Variants in ANKRD36 observed in about 807,000 individuals in gnomAD.
ANKRD36 encodes the protein ankyrin repeat domain 36.
ANKRD36 carries 179 observed loss-of-function variants against 278.1 expected under a neutral mutation model. That is an observed-to-expected ratio of 0.64 (90% CI 0.57 to 0.73). The LOEUF is 0.73. Ranked by LOEUF, ANKRD36 falls within the 30% of genes least tolerant of loss-of-function variation. The pLI is 0.00. For synonymous variants in ANKRD36, 320 were observed against 641.1 expected, an observed-to-expected ratio of 0.50 and a Z score of 7.57; for missense variants, 1,159 against 1,956.7, an observed-to-expected ratio of 0.59 and a Z score of 7.69.
Position 97,113,509 on chromosome 2 carries a change from C to T in ANKRD36, c.-231C>T. Reference sequence around the variant, plus strand: ...GCCGCCTGCACTGGGCGCGCGAGAGCTGCTAGGGCGGTTTCTCTGCCTCGG... The same window carrying T: ...GCCGCCTGCACTGGGCGCGCGAGAGTTGCTAGGGCGGTTTCTCTGCCTCGG... On this transcript the variant is annotated 5_prime_UTR_variant, in exon 1 of 76. Transcript: ENST00000420699. 1.7e-6 allele frequency: 1 copy of T among 576,910 alleles called. No homozygotes were observed. The highest frequency in any genetic ancestry group is 3.0e-6 in the Non-Finnish European group (1 of 335,032). The allele number at this position is 576,910 out of a possible 1,614,324, so 35.7% of individuals were successfully genotyped here. A position where few individuals can be genotyped will look rare whatever the true frequency, so the allele number is the denominator to read the frequency against.
At chr2:97,226,068 T>C (rs1367816390) in intron 67 of ANKRD36, among the ~76,000 whole-genome samples, 1 of 151,848 alleles carries the variant, frequency 6.6e-6, no homozygotes, top group Non-Finnish European at 1.5e-5. Flanking sequence ...CTATTGTGAA[T>C]AGTGCCGCAA....
At chr2:97,198,191 T>G (rs534194848) in intron 42 of ANKRD36, among the ~76,000 whole-genome samples, 1 of 151,938 alleles carries the variant, frequency 6.6e-6, no homozygotes, top group Non-Finnish European at 1.5e-5. Flanking sequence ...ACTCGGCATA[T>G]CCACGTTGAT....
chr2:97,196,672 A>C, intron 41 of ANKRD36, 44 bp from the exon 42 acceptor site: 1 of 1,593,378 alleles, frequency 6.3e-7, no homozygotes, highest in African/African-American at 1.3e-5. Flanking sequence ...TGGTCTATGA[A>C]ACATACTTTA....
At chr2:97,123,957 T>TTTTATATATA (rs373971301) in intron 4 of ANKRD36, among the ~76,000 whole-genome samples, 1 of 141,806 alleles carries the variant, frequency 7.1e-6, no homozygotes, top group African/African-American at 2.6e-5. Context: ...TCCTCCATAT[T>TTTTATATATA]TATATATATA....
Position 97,208,571 on chromosome 2 carries a change from A to G in ANKRD36, c.3265+565A>G, listed in dbSNP as rs1452962468. Among the ~76,000 whole-genome samples, 3 of 146,248 alleles carry G rather than the reference A, an allele frequency of 2.1e-5. 1 individual carries two copies. Among genetic ancestry groups the G allele is most frequent in the African/African-American group, 5.3e-5 (2 of 37,506 alleles). Reference sequence around the variant, plus strand: ...TCAGATGCATTTGGAATATTTTCATAAAAAATATTTGCTTTTAGCTGCTCC... The same window carrying G: ...TCAGATGCATTTGGAATATTTTCATGAAAAATATTTGCTTTTAGCTGCTCC... On this transcript the variant is annotated intron_variant, in intron 54 of 75. Transcript: ENST00000420699.
chr2:97,187,262 AT>A lies in ANKRD36; in HGVS notation c.2070+37del, dbSNP rs2057611529. 3 of 1,607,780 alleles carry A rather than the reference AT, an allele frequency of 1.9e-6. No homozygotes were observed. In the African/African-American group the frequency reaches 4.0e-5, roughly 22 times the overall value. Reference sequence around the variant, plus strand: ...TCTCATTTATATTGTGAACTAGTAAATCTATAGTCTATGAAATATACTTCAT... The same window carrying A: ...TCTCATTTATATTGTGAACTAGTAAACTATAGTCTATGAAATATACTTCAT... On this transcript the variant is annotated intron_variant, in intron 31 of 75. Coordinates refer to ENST00000420699, the MANE Select transcript of ANKRD36 (RefSeq NM_001354587.1).
intron 22 of ANKRD36, among the ~76,000 whole-genome samples, chr2:97,179,360 A>C (rs1276334582): frequency 6.6e-6 from 1 of 151,646 alleles, no homozygotes; most frequent in Admixed American, 6.6e-5. Flanking sequence ...CATGAAAGAC[A>C]TGCGGATGCG....
chr2:97,149,373 T>G lies in ANKRD36; in HGVS notation c.1101+12T>G, dbSNP rs2045286751. 5.3e-6 allele frequency: 8 copies of G among 1,511,380 alleles called. No individual in the cohort carries two copies. The East Asian group carries it at 2.0e-4, about 38-fold the overall frequency. 93.6% of individuals were successfully genotyped at this position (1,511,380 alleles called of 1,614,324 possible). ...CTTTGGAATCTGAGGTAGAGTACTC[T>G]CTTGTGAAATTAATTTTCTCCCTCT... On this transcript the variant is annotated intron_variant, in intron 12 of 75. Coordinates refer to ENST00000420699, the MANE Select transcript of ANKRD36 (RefSeq NM_001354587.1).
chr2:97,199,341 T>C (rs1194080449), intron 44 of ANKRD36, among the ~76,000 whole-genome samples: 5 of 152,042 alleles, frequency 3.3e-5, no homozygotes, highest in Non-Finnish European at 2.9e-5. Flanking sequence ...CAGAGATACA[T>C]GTTTTGTTGA....
chr2:97,117,899 T>C (rs995063297), intron 1 of ANKRD36, among the ~76,000 whole-genome samples, 165 bp from the exon 2 acceptor site: 1 of 152,010 alleles, frequency 6.6e-6, no homozygotes, highest in African/African-American at 2.4e-5. Flanking sequence ...GCCAAGGCTT[T>C]TCTATTAAAT....
At position 97,209,957 on chromosome 2, in the gene ANKRD36, T is replaced by C. The variant is rs2063951751; in HGVS notation, c.3367+85T>C. 7 of 1,490,598 alleles carry C rather than the reference T, an allele frequency of 4.7e-6. No individual in the cohort carries two copies. The African/African-American group carries it at 5.7e-5, about 12-fold the overall frequency. 92.3% of individuals were successfully genotyped at this position (1,490,598 alleles called of 1,614,324 possible). On this transcript the variant is annotated intron_variant, in intron 56 of 75. Transcript: ENST00000420699. ...CCTGAATAAATCAGCGGAGGGCTCGTTGAAGCTGCACATTCTGATTCAGCA... is the reference window on the plus strand; with the variant it reads ...CCTGAATAAATCAGCGGAGGGCTCGCTGAAGCTGCACATTCTGATTCAGCA...
At chr2:97,134,281 A>G (rs1227364426) in intron 6 of ANKRD36, among the ~76,000 whole-genome samples, 1 of 152,136 alleles carries the variant, frequency 6.6e-6, no homozygotes, top group African/African-American at 2.4e-5. Context: ...CATATGCTTT[A>G]CATGTTGAAA....
intron 6 of ANKRD36, among the ~76,000 whole-genome samples, chr2:97,137,836 T>A (rs1045817293): frequency 6.6e-6 from 1 of 152,140 alleles, no homozygotes; most frequent in Non-Finnish European, 1.5e-5. Context: ...GTGGTTTTGA[T>A]TTGCATTTCT....
At chr2:97,185,649 T>C in intron 30 of ANKRD36, 139 bp downstream of exon 30, 1 of 1,131,104 alleles carries the variant, frequency 8.8e-7, no homozygotes, top group Admixed American at 2.2e-5. Context: ...TTGTAATAAG[T>C]TCTCGGGTGA....
chr2:97,222,178 G>A (rs543535284), intron 66 of ANKRD36, among the ~76,000 whole-genome samples: 3 of 152,008 alleles, frequency 2.0e-5, no homozygotes, highest in African/African-American at 4.8e-5. Context: ...TTTGGTTACT[G>A]TAGCCTTGTA....
intron 67 of ANKRD36, among the ~76,000 whole-genome samples, chr2:97,231,685 G>C (rs2072168967): frequency 6.6e-6 from 1 of 152,086 alleles, no homozygotes; most frequent in South Asian, 2.1e-4. Flanking sequence ...AGATGAACCT[G>C]GTACCTCAGA....
chr2:97,242,232 G>A (rs1251905384), intron 69 of ANKRD36, among the ~76,000 whole-genome samples: 1 of 151,484 alleles, frequency 6.6e-6, no homozygotes, highest in Non-Finnish European at 1.5e-5. Context: ...AGAGGTTGCA[G>A]TGAGCAGAGA....
At chr2:97,220,051 CTGTGTGTGTGTGTG>C (rs71274689) in intron 66 of ANKRD36, among the ~76,000 whole-genome samples, 9 of 111,274 alleles carry the variant, frequency 8.1e-5, no homozygotes, top group East Asian at 3.3e-4. Context: ...GATTAGCACA[CTGTGTGTGTGTGTG>C]TGTGTGTGTG....
chr2:97,226,399 G>C (rs1444201412), intron 67 of ANKRD36, among the ~76,000 whole-genome samples: 1 of 151,418 alleles, frequency 6.6e-6, no homozygotes, highest in East Asian at 2.0e-4. Flanking sequence ...TTTTTCATGT[G>C]TTTTTTGGCT....
Sources: gnomAD v4.1 joint callset for allele counts (sites outside exome capture counted in the v4.1 genomes callset) on GRCh38, gnomAD v4.1.1 for gene constraint, MANE v1.5 for transcripts, NCBI Gene and HGNC (gene_info 2026-07-23, HGNC 2026-07-21) for gene names.